Variants in CERT1 observed in about 807,000 individuals in gnomAD.
The protein encoded by CERT1 is ceramide transfer protein.
Under a neutral mutation model 87.9 loss-of-function variants are expected in CERT1, and 31 were observed. The ratio of observed to expected loss-of-function variants is 0.35; its 90% CI spans 0.27 to 0.48. The LOEUF (loss-of-function observed/expected upper bound fraction) is 0.48, where lower values mean the gene tolerates loss of function less well. CERT1 is among the 20% of genes least tolerant of loss of function. The pLI is 0.99. For synonymous variants in CERT1, 289 were observed against 250.9 expected (o/e 1.15, Z -1.44); for missense variants, 487 against 758.0 (o/e 0.64, Z 4.20).
chr5:75,453,239 A>G (rs1764832806), intron 3 of CERT1, among the ~76,000 whole-genome samples: 1 of 152,168 alleles, frequency 6.6e-6, no homozygotes, highest in African/African-American at 2.4e-5. Flanking sequence ...TTTAAGGGGG[A>G]AAAGCCTTCA....
chr5:75,458,557 C>CTT lies in CERT1; in HGVS notation c.348+506_348+507dup, dbSNP rs1184107012. 1.6e-3 allele frequency among the ~76,000 whole-genome samples: 236 copies of CTT among 146,396 alleles called. 1 individual carries two copies. Among genetic ancestry groups the CTT allele is most frequent in the Non-Finnish European group, 2.9e-3 (189 of 66,064 alleles). ...GTAGTTAACAATGAAAAATATTTATCTTTTTTTTTTTTGAGATGGAGTCTT... is the reference window on the plus strand; with the variant it reads ...GTAGTTAACAATGAAAAATATTTATCTTTTTTTTTTTTTTGAGATGGAGTCTT... On this transcript the variant is annotated intron_variant, in intron 3 of 16. Transcript: ENST00000643780.
intron 3 of CERT1, among the ~76,000 whole-genome samples, chr5:75,429,816 T>C (rs1306127997): frequency 1.6e-5 from 2 of 126,702 alleles, no homozygotes; most frequent in East Asian, 2.3e-4. Context: ...AGAAACTAGA[T>C]AAGTTCATCC....
At position 75,473,199 on chromosome 5, in the gene CERT1, C is replaced by T. The variant is rs1765794815; in HGVS notation, c.232-14018G>A. On this transcript the variant is annotated intron_variant, in intron 2 of 16. Transcript: ENST00000643780. ...GGGGTGAAGTGATCCTCCTGCCCCA[C>T]CCTCCTCAGTAGCTAGGACTGCAGG... Among the ~76,000 whole-genome samples the T allele has an allele frequency of 2.6e-5, 4 of 152,074 alleles. 1 individual carries two copies. In the South Asian group the frequency reaches 8.3e-4, roughly 32 times the overall value.
intron 1 of CERT1, among the ~76,000 whole-genome samples, chr5:75,508,350 C>T (rs1767756228): frequency 6.6e-6 from 1 of 152,184 alleles, no homozygotes; most frequent in Non-Finnish European, 1.5e-5. Flanking sequence ...AAGAGTTATA[C>T]ATAGCTAATG....
chr5:75,439,595 T>C (rs924761867), intron 3 of CERT1, among the ~76,000 whole-genome samples: 2 of 151,996 alleles, frequency 1.3e-5, no homozygotes, highest in Admixed American at 6.6e-5. Flanking sequence ...AAATACAAGA[T>C]TAAATGTTAA....
chr5:75,417,440 AC>A (rs920904099), intron 6 of CERT1, among the ~76,000 whole-genome samples: 1 of 152,212 alleles, frequency 6.6e-6, no homozygotes, highest in African/African-American at 2.4e-5. Context: ...AAAATAATAT[AC>A]AATTTAAAAA....
At chr5:75,501,669 G>C (rs1194826485) in intron 2 of CERT1, among the ~76,000 whole-genome samples, 2 of 152,112 alleles carry the variant, frequency 1.3e-5, no homozygotes, top group Non-Finnish European at 2.9e-5. Flanking sequence ...GCCCAGAAGA[G>C]AGTCCAGAAA....
At chr5:75,491,649 G>C (rs1314982254) in intron 2 of CERT1, among the ~76,000 whole-genome samples, 1 of 152,154 alleles carries the variant, frequency 6.6e-6, no homozygotes, top group African/African-American at 2.4e-5. Context: ...TGGGGTAAAA[G>C]CATGTAGGAC....
intron 8 of CERT1, among the ~76,000 whole-genome samples, chr5:75,409,131 T>C (rs959695544): frequency 6.6e-6 from 1 of 152,138 alleles, no homozygotes; most frequent in Non-Finnish European, 1.5e-5. Context: ...TAAGGTACTT[T>C]AAAAAGTTGG....
chr5:75,395,617 T>G (rs967058031), intron 11 of CERT1, among the ~76,000 whole-genome samples: 3 of 149,276 alleles, frequency 2.0e-5, no homozygotes, highest in Non-Finnish European at 4.4e-5. Flanking sequence ...ATCCCAGCAC[T>G]TTGGGAGGCC....
intron 3 of CERT1, 30 bp downstream of exon 3, chr5:75,459,035 C>A (rs1447339320): frequency 7.7e-7 from 1 of 1,291,626 alleles, no homozygotes. Context: ...ACCTAGTCCT[C>A]CATGGACAGG....
chr5:75,432,462 C>T (rs1471126188), intron 3 of CERT1, among the ~76,000 whole-genome samples: 1 of 152,222 alleles, frequency 6.6e-6, no homozygotes, highest in Non-Finnish European at 1.5e-5. Context: ...ATCTAACAAA[C>T]AGTGATGTTG....
chr5:75,433,724 T>C (rs139635726), intron 3 of CERT1, among the ~76,000 whole-genome samples: 1 of 152,254 alleles, frequency 6.6e-6, no homozygotes, highest in East Asian at 1.9e-4. Context: ...TCTCACTCTT[T>C]TTGCCCAGTC....
At chr5:75,395,154 ATTTC>A (rs1580710781) in intron 11 of CERT1, among the ~76,000 whole-genome samples, 1 of 152,132 alleles carries the variant, frequency 6.6e-6, no homozygotes, top group African/African-American at 2.4e-5. Context: ...ACATCCTTTG[ATTTC>A]TTTCTTTTTC....
chr5:75,507,264 G>T (rs939159294), intron 1 of CERT1, among the ~76,000 whole-genome samples: 2 of 152,048 alleles, frequency 1.3e-5, no homozygotes, highest in Non-Finnish European at 2.9e-5. Flanking sequence ...GACTACAGGT[G>T]TGCACCCCCA....
intron 7 of CERT1, among the ~76,000 whole-genome samples, chr5:75,413,074 T>G (rs1762995571): frequency 6.6e-6 from 1 of 152,340 alleles, no homozygotes; most frequent in African/African-American, 2.4e-5. Flanking sequence ...ATTTTTCTAT[T>G]TTTTAAAAAA....
chr5:75,485,651 G>T (rs1766488244), intron 2 of CERT1, among the ~76,000 whole-genome samples: 1 of 151,804 alleles, frequency 6.6e-6, no homozygotes, highest in Non-Finnish European at 1.5e-5. Context: ...GACCCAAATA[G>T]ATAAAATCAG....
chr5:75,454,207 A>G (rs1764878036), intron 3 of CERT1, among the ~76,000 whole-genome samples: 1 of 152,198 alleles, frequency 6.6e-6, no homozygotes, highest in African/African-American at 2.4e-5. Flanking sequence ...AGGGTATGGT[A>G]ACACATACCG....
chr5:75,450,235 T>C (rs1189840617), intron 3 of CERT1, among the ~76,000 whole-genome samples: 1 of 152,114 alleles, frequency 6.6e-6, no homozygotes, highest in Non-Finnish European at 1.5e-5. Context: ...CCTGAAAAAC[T>C]AGTTCAGACC....
Sources: gnomAD v4.1 joint callset for allele counts (sites outside exome capture counted in the v4.1 genomes callset) on GRCh38, gnomAD v4.1.1 for gene constraint, MANE v1.5 for transcripts, NCBI Gene and HGNC (gene_info 2026-07-23, HGNC 2026-07-21) for gene names.